MUC15: variants seen among roughly 807,000 people sequenced by gnomAD.
The protein encoded by MUC15 is mucin-15.
A neutral mutation model predicts 24.0 loss-of-function variants in MUC15; 23 were observed. That is an observed-to-expected ratio of 0.96 (90% confidence interval 0.69 to 1.36). The LOEUF is 1.36. MUC15 is among the 40% of genes most tolerant of loss of function. The probability of loss-of-function intolerance (pLI) is 0.00; values close to 1 mark genes in which losing one functional copy is unlikely to be tolerated. For missense variants in MUC15, 442 were observed against 428.2 expected (o/e 1.03, Z -0.29); for synonymous variants, 151 against 156.3 (o/e 0.97, Z 0.25).
At chr11:26,568,730 C>T (rs1419217419) in intron 1 of MUC15, among the ~76,000 whole-genome samples, 1 of 151,926 alleles carries the variant, frequency 6.6e-6, no homozygotes, top group Non-Finnish European at 1.5e-5. Context: ...CTGTAGTTGA[C>T]CAATATTTAC....
Position 26,565,856 on chromosome 11 carries a change from C to T in MUC15, c.84G>A (p.Met28Ile). 6.2e-7 allele frequency: 1 copy of T among 1,606,448 alleles called. No individual in the cohort carries two copies. The highest frequency in any genetic ancestry group is 8.5e-7 in the Non-Finnish European group (1 of 1,177,796). Residue 28 changes from methionine (M) to isoleucine (I), a missense_variant, in exon 3 of 5, where the codon ATG becomes ATA. Transcript: ENST00000529533. ...TCAACAGAATTTTGGCTAAGGCCAA[C>T]ATTGTAGGCTTCTTTGGTATTGGTT... ...KKKPIPKKPT[M>I]LALAKILLIS...
intron 2 of MUC15, 38 bp downstream of exon 2, chr11:26,567,014 G>T: frequency 7.0e-7 from 1 of 1,426,998 alleles, no homozygotes; most frequent in Non-Finnish European, 9.3e-7. Flanking sequence ...TGTCTTTTTG[G>T]TTACAAAGTT....
At chr11:26,566,410 T>G (rs1554971256) in intron 2 of MUC15, among the ~76,000 whole-genome samples, 1 of 151,996 alleles carries the variant, frequency 6.6e-6, no homozygotes, top group Non-Finnish European at 1.5e-5. Flanking sequence ...TATTAGATTT[T>G]TTTAAAGTGA....
intron 1 of MUC15, among the ~76,000 whole-genome samples, chr11:26,567,764 A>T (rs1850650854): frequency 6.6e-6 from 1 of 152,020 alleles, no homozygotes; most frequent in African/African-American, 2.4e-5. Context: ...AAGAGCCTCA[A>T]ACCTAAGTGT....
At chr11:26,567,646 T>C (rs892498769) in intron 1 of MUC15, among the ~76,000 whole-genome samples, 1 of 152,006 alleles carries the variant, frequency 6.6e-6, no homozygotes, top group Admixed American at 6.6e-5. Flanking sequence ...ACTTCTAGAA[T>C]TTTAGACATA....
intron 3 of MUC15, among the ~76,000 whole-genome samples, chr11:26,564,760 T>C (rs1226181820): frequency 9.9e-4 from 87 of 87,758 alleles, no homozygotes; most frequent in South Asian, 2.4e-3. Context: ...TATATATATA[T>C]ATATATATAT....
At position 26,563,275 on chromosome 11, in the gene MUC15, A is replaced by C; in HGVS notation, c.776-10T>G. 1.3e-6 allele frequency: 2 copies of C among 1,569,230 alleles called. No individual in the cohort carries two copies. Among genetic ancestry groups the C allele is most frequent in the Non-Finnish European group, 8.6e-7 (1 of 1,162,226 alleles). ...CCTGTATTTCTATTTTCTACAGGAC[A>C]AAAAAAATTTAAAGAAATATAAAAT... On this transcript the variant is annotated splice_polypyrimidine_tract_variant and intron_variant, in intron 3 of 4. Transcript: ENST00000529533.
intron 1 of MUC15, among the ~76,000 whole-genome samples, chr11:26,567,522 A>G (rs556728123): frequency 6.6e-6 from 1 of 152,010 alleles, no homozygotes; most frequent in Non-Finnish European, 1.5e-5. Context: ...CCTCTCTTAC[A>G]TAATAATTTC....
chr11:26,561,585 T>G (rs1035477779), intron 4 of MUC15, among the ~76,000 whole-genome samples: 5 of 139,392 alleles, frequency 3.6e-5, no homozygotes, highest in Non-Finnish European at 6.8e-5. Context: ...AATTTGTCAC[T>G]TCTGGTGTAA....
rs560016592 is a variant in MUC15 at position 26,561,078 on chromosome 11, C to T, written c.1073G>A (p.Arg358His). 23 of 1,610,534 alleles carry T rather than the reference C, an allele frequency of 1.4e-5. No homozygotes were observed. Among genetic ancestry groups the T allele is most frequent in the Non-Finnish European group, 1.9e-5 (22 of 1,178,210 alleles). Residue 358 changes from arginine (R) to histidine (H), a missense_variant, in exon 5 of 5, where the codon CGT becomes CAT. Transcript: ENST00000529533. Reference protein sequence around the residue: ...GIPMDDIPPLRTSV With the variant: ...GIPMDDIPPLHTSV ...TTGCTGTTAGTTCTATACAGAAGTA[C>T]GAAGTGGAGGTATGTCATCCATAGG...
intron 3 of MUC15, among the ~76,000 whole-genome samples, chr11:26,564,730 CACATATATATAT>C (rs1429825270): frequency 0.014 from 344 of 23,752 alleles, no homozygotes; most frequent in Non-Finnish European, 0.019. Context: ...CACACACACA[CACATATATATAT>C]ATATATATAT....
At position 26,567,044 on chromosome 11, in the gene MUC15, ATACT is replaced by A; in HGVS notation, c.43+4_43+7del. The A allele has an allele frequency of 1.3e-6, 2 of 1,494,708 alleles. No individual in the cohort carries two copies. Among genetic ancestry groups the A allele is most frequent in the Non-Finnish European group, 1.8e-6 (2 of 1,116,958 alleles). The allele number at this position is 1,494,708 out of a possible 1,614,324, so 92.6% of individuals were successfully genotyped here. A position where few individuals can be genotyped will look rare whatever the true frequency, so the allele number is the denominator to read the frequency against. Reference sequence around the variant, plus strand: ...AAAGTTTACAGTATCATCTTATTTGATACTTACAACAATCCCTTGATGTGGCAAG... The same window carrying A: ...AAAGTTTACAGTATCATCTTATTTGATACAACAATCCCTTGATGTGGCAAG... On this transcript the variant is annotated splice_donor_5th_base_variant and intron_variant, in intron 2 of 4. Coordinates refer to ENST00000529533, the MANE Select transcript of MUC15 (RefSeq NM_001135091.2).
At chr11:26,568,706 A>G (rs765947384) in intron 1 of MUC15, among the ~76,000 whole-genome samples, 10 of 152,034 alleles carry the variant, frequency 6.6e-5, no homozygotes, top group Non-Finnish European at 1.3e-4. Context: ...AGCATGAATG[A>G]TTATCTCTGG....
chr11:26,565,015 C>T (rs1421774061), intron 3 of MUC15, 150 bp downstream of exon 3: 6 of 709,012 alleles, frequency 8.5e-6, no homozygotes, highest in Non-Finnish European at 1.3e-5. Flanking sequence ...TTTCTAGTGA[C>T]TATAATGATC....
chr11:26,571,352 C>T (rs564277850), intron 1 of MUC15, among the ~76,000 whole-genome samples: 7 of 152,074 alleles, frequency 4.6e-5, no homozygotes, highest in African/African-American at 1.7e-4. Context: ...TATATAGCCA[C>T]AAAATGAAAA....
At chr11:26,564,817 T>A (rs117208656) in intron 3 of MUC15, among the ~76,000 whole-genome samples, 187 of 134,060 alleles carry the variant, frequency 1.4e-3, no homozygotes, top group Middle Eastern at 4.0e-3. Flanking sequence ...CATGAGCATG[T>A]GAAATTTCAG....
chr11:26,564,290 T>C (rs1290417691), intron 3 of MUC15, among the ~76,000 whole-genome samples: 4 of 151,654 alleles, frequency 2.6e-5, no homozygotes, highest in African/African-American at 9.7e-5. Context: ...AAAAAGCCTA[T>C]ATTTCAGAAT....
chr11:26,561,194 A>G lies in MUC15; in HGVS notation c.957T>C (p.Tyr319=). The stretch of plus-strand genomic sequence containing the variant: ...AGCTAGAATTCCCAAAACTCACATC[A>G]TAAGGTTCCGGTGCATTGTCTAATC... The part of the protein sequence containing the change: ...VLRLDNAPEP[Y]DVSFGNSSYY... Residue 319 remains tyrosine (Y), a synonymous_variant, in exon 5 of 5, where the codon TAT becomes TAC. Coordinates refer to ENST00000529533, the MANE Select transcript of MUC15 (RefSeq NM_001135091.2). 2 of 1,612,270 alleles carry G rather than the reference A, an allele frequency of 1.2e-6. No homozygotes were observed. The highest frequency in any genetic ancestry group is 2.2e-5 in the East Asian group (1 of 44,740).
At chr11:26,563,391 CTCTCTGTGTG>C in intron 3 of MUC15, 126 bp from the exon 4 acceptor site, 5 of 840,864 alleles carry the variant, frequency 5.9e-6, no homozygotes, top group Non-Finnish European at 6.6e-6. Flanking sequence ...GTGTGTTTCT[CTCTCTGTGTG>C]TGTGTGTGTG....
Sources: gnomAD v4.1 joint callset for allele counts (sites outside exome capture counted in the v4.1 genomes callset) on GRCh38, gnomAD v4.1.1 for gene constraint, MANE v1.5 for transcripts, NCBI Gene and HGNC (gene_info 2026-07-23, HGNC 2026-07-21) for gene names.